DPP6: variants seen among roughly 807,000 people sequenced by gnomAD.
The protein encoded by DPP6 is dipeptidyl peptidase like 6, also known as A-type potassium channel modulatory protein DPP6.
A neutral mutation model predicts 122.6 loss-of-function variants in DPP6; 69 were observed. The ratio of observed to expected loss-of-function variants is 0.56; its 90% confidence interval spans 0.46 to 0.69. The LOEUF (loss-of-function observed/expected upper bound fraction) is 0.69. Among genes scored for constraint, DPP6 ranks in the 30% least tolerant of loss-of-function variants. DPP6 has a pLI of 0.00. For synonymous variants in DPP6, 418 were observed against 433.1 expected (o/e 0.97, Z 0.43); for missense variants, 928 against 1,116.9 (o/e 0.83, Z 2.41).
rs1431506308 is a variant in DPP6, at chr7:153,965,031, C to CCTTT, written c.51+77304_51+77307dup. 1.4e-3 allele frequency among the ~76,000 whole-genome samples: 171 copies of CCTTT among 119,918 alleles called. 6 individuals are homozygous for CCTTT. Among genetic ancestry groups the CCTTT allele is most frequent in the African/African-American group, 6.7e-3 (158 of 23,496 alleles). 78.7% of individuals were successfully genotyped at this position (119,918 alleles called of 152,430 possible). A position where few individuals can be genotyped will look rare whatever the true frequency, so the allele number is the denominator to read the frequency against. On this transcript the variant is annotated intron_variant, in intron 1 of 25. Coordinates refer to the DPP6 transcript ENST00000404039. ...TCCTTCCTTCCTTCCTTCCTTCCTTCCTTTCTTTCTCTCAGAATTCAGACT... is the reference window on the plus strand; with the variant it reads ...TCCTTCCTTCCTTCCTTCCTTCCTTCCTTTCTTTCTTTCTCTCAGAATTCAGACT...
chr7:153,803,040 G>C, the DPP6 span, among the ~76,000 whole-genome samples: 5 of 151,168 alleles, frequency 3.3e-5, no homozygotes, highest in African/African-American at 1.2e-4. Flanking sequence ...ACGTCTGTGA[G>C]AGCATGGTCT....
chr7:153,797,412 G>T, the DPP6 span, among the ~76,000 whole-genome samples: 1 of 152,144 alleles, frequency 6.6e-6, no homozygotes, highest in African/African-American at 2.4e-5. Flanking sequence ...GGAGGAATAG[G>T]ATATTATATT....
the DPP6 span, among the ~76,000 whole-genome samples, chr7:153,756,667 G>C: frequency 6.6e-6 from 1 of 152,032 alleles, no homozygotes; most frequent in African/African-American, 2.4e-5. Context: ...AAATAAGAAA[G>C]AGTACCCGTG....
intron 8 of DPP6, among the ~76,000 whole-genome samples, chr7:154,767,936 C>A (rs575492534): frequency 6.0e-4 from 92 of 152,276 alleles, no homozygotes; most frequent in African/African-American, 2.1e-3. Context: ...GGAAGACTCA[C>A]GTGACAGGGG....
At chr7:154,586,428 A>C (rs557049671) in intron 5 of DPP6, among the ~76,000 whole-genome samples, 1 of 152,162 alleles carries the variant, frequency 6.6e-6, no homozygotes, top group Admixed American at 6.5e-5. Context: ...GCCACGGGTT[A>C]TGGTTTTGGC....
intron 1 of DPP6, among the ~76,000 whole-genome samples, chr7:154,110,608 C>T (rs1330036509): frequency 3.3e-5 from 5 of 151,982 alleles, no homozygotes; most frequent in East Asian, 1.9e-4. Context: ...ATGGGATGAG[C>T]GAGAAAGGGG....
chr7:154,707,550 C>T (rs570226109), intron 7 of DPP6, among the ~76,000 whole-genome samples: 7 of 152,280 alleles, frequency 4.6e-5, no homozygotes, highest in African/African-American at 1.2e-4. Context: ...CTCAGCACCT[C>T]GCCAGGTCCA....
intron 6 of DPP6, among the ~76,000 whole-genome samples, chr7:154,659,704 C>G (rs1285184661): frequency 1.3e-5 from 2 of 152,200 alleles, no homozygotes; most frequent in African/African-American, 4.8e-5. Flanking sequence ...CACTTCACAA[C>G]TTCCTCCCCA....
At chr7:153,763,632 G>C in the DPP6 span, among the ~76,000 whole-genome samples, 1 of 152,158 alleles carries the variant, frequency 6.6e-6, no homozygotes, top group Non-Finnish European at 1.5e-5. Flanking sequence ...TGCTTTTTTA[G>C]AAAAGTGTGA....
intron 3 of DPP6, among the ~76,000 whole-genome samples, chr7:154,500,534 C>T (rs1366349812): frequency 6.6e-6 from 1 of 152,086 alleles, no homozygotes; most frequent in African/African-American, 2.4e-5. Context: ...CTGCGTTGTT[C>T]TCCTGATAGC....
At chr7:153,973,632 CGT>C (rs773321136) in intron 1 of DPP6, among the ~76,000 whole-genome samples, 11,191 of 113,380 alleles carry the variant, frequency 0.099, 650 homozygotes, top group African/African-American at 0.17. Flanking sequence ...CACCATCGCT[CGT>C]GTGTGTGTGT....
chr7:154,889,944 C>T (rs557254326), intron 25 of DPP6: 1 of 197,992 alleles, frequency 5.1e-6, no homozygotes, highest in East Asian at 1.4e-4. Context: ...CTGCTTCCCT[C>T]TGACCAACAC....
intron 1 of DPP6, among the ~76,000 whole-genome samples, chr7:153,901,253 A>G (rs893573260): frequency 6.6e-6 from 1 of 152,222 alleles, no homozygotes; most frequent in Admixed American, 6.5e-5. Flanking sequence ...CAAAATATTC[A>G]AAATGCTTAG....
rs552380683 is a variant in DPP6, at chr7:154,162,551, T to G, written c.243+109488T>G. Reference sequence around the variant, plus strand: ...AGAGCCTGGCACACTCTGGAGCTTTTGCTTCACCCAGCAGGTACGGAGTCA... The same window carrying G: ...AGAGCCTGGCACACTCTGGAGCTTTGGCTTCACCCAGCAGGTACGGAGTCA... On this transcript the variant is annotated intron_variant, in intron 1 of 25. Transcript: ENST00000377770. 6.6e-5 allele frequency among the ~76,000 whole-genome samples: 10 copies of G among 152,346 alleles called. No individual in the cohort carries two copies. In the South Asian group the frequency reaches 1.7e-3, roughly 25 times the overall value.
chr7:154,371,909 C>CG (rs1563561226), intron 1 of DPP6, among the ~76,000 whole-genome samples: 1 of 152,112 alleles, frequency 6.6e-6, no homozygotes, highest in East Asian at 1.9e-4. Flanking sequence ...GTAGACATAC[C>CG]GGGAAGCCAG....
intron 1 of DPP6, among the ~76,000 whole-genome samples, chr7:154,153,876 G>T (rs1796551333): frequency 6.6e-6 from 1 of 152,144 alleles, no homozygotes. Flanking sequence ...GCCTGAAGTG[G>T]AGCTCAGAAG....
chr7:154,290,184 C>T (rs1017365031), intron 1 of DPP6, among the ~76,000 whole-genome samples: 4 of 152,178 alleles, frequency 2.6e-5, no homozygotes, highest in African/African-American at 4.8e-5. Flanking sequence ...ATTTATGTTG[C>T]TGCAGCCAAA....
intron 3 of DPP6, among the ~76,000 whole-genome samples, chr7:154,515,999 G>A (rs960268377): frequency 1.3e-5 from 2 of 152,132 alleles, no homozygotes; most frequent in African/African-American, 4.8e-5. Context: ...TGCCAAATTC[G>A]ATCCATGGTA....
chr7:154,506,925 C>T (rs944585715), intron 3 of DPP6, among the ~76,000 whole-genome samples: 2 of 152,166 alleles, frequency 1.3e-5, no homozygotes, highest in Non-Finnish European at 2.9e-5. Flanking sequence ...AATAGATTAA[C>T]ACTGTTGGGA....
Sources: allele counts gnomAD v4.1 joint callset (sites outside exome capture counted in the v4.1 genomes callset), GRCh38; gene constraint gnomAD v4.1.1; transcripts MANE v1.5; gene names NCBI Gene and HGNC (gene_info 2026-07-23, HGNC 2026-07-21).